AFF3: variants seen among roughly 807,000 people sequenced by gnomAD.
AFF3 encodes AF4/FMR2 family member 3.
A neutral mutation model predicts 129.7 loss-of-function variants in AFF3; 32 were observed. The observed-to-expected ratio is 0.25, with a 90% CI of 0.19 to 0.33. The LOEUF (loss-of-function observed/expected upper bound fraction) is 0.33, where lower values mean the gene tolerates loss of function less well. Among genes scored for constraint, AFF3 ranks in the 10% least tolerant of loss-of-function variants. The pLI is 1.00. For synonymous variants in AFF3, 644 were observed against 635.4 expected (o/e 1.01, Z -0.20); for missense variants, 1,373 against 1,592.0 (o/e 0.86, Z 2.34).
At chr2:99,589,306 G>A (rs1283457928) in intron 15 of AFF3, among the ~76,000 whole-genome samples, 1 of 152,022 alleles carries the variant, frequency 6.6e-6, no homozygotes, top group Non-Finnish European at 1.5e-5. Context: ...GGAATAGCAG[G>A]TAGGGAAGAA....
chr2:99,719,010 C>T (rs943438896), intron 11 of AFF3, among the ~76,000 whole-genome samples: 1 of 148,612 alleles, frequency 6.7e-6, no homozygotes, highest in Non-Finnish European at 1.5e-5. Flanking sequence ...CTTGGCCTCC[C>T]AAAGTGCTGG....
intron 22 of AFF3, among the ~76,000 whole-genome samples, chr2:99,556,451 C>T (rs1018452429): frequency 3.3e-5 from 5 of 151,934 alleles, no homozygotes; most frequent in African/African-American, 1.2e-4. Context: ...CAAAAAAAAA[C>T]AACAAAAAAA....
chr2:99,571,392 C>T (rs868632542), intron 18 of AFF3, among the ~76,000 whole-genome samples: 1 of 152,024 alleles, frequency 6.6e-6, no homozygotes. Context: ...TCTTAGTTTC[C>T]ACCAGCCTTC....
intron 13 of AFF3, among the ~76,000 whole-genome samples, chr2:99,646,489 G>T (rs1001556568): frequency 1.3e-5 from 2 of 151,918 alleles, no homozygotes; most frequent in Non-Finnish European, 2.9e-5. Context: ...ATATAAAGAG[G>T]TGATAACAGG....
rs949531215 is a variant in AFF3 at position 99,860,476 on chromosome 2, C to T, written c.874-22952G>A. The stretch of plus-strand genomic sequence containing the variant: ...GGCTGAGGCAGGAGAATAGGGTGAA[C>T]CTGGGAGGCAGAGCTTGCAGTGAGC... On this transcript the variant is annotated intron_variant, in intron 7 of 24. Coordinates refer to ENST00000672756, the MANE Select transcript of AFF3 (RefSeq NM_001386135.1). Among the ~76,000 whole-genome samples the T allele has an allele frequency of 3.3e-5, 5 of 152,172 alleles. No individual in the cohort carries two copies. In the South Asian group the frequency reaches 1.0e-3, roughly 32 times the overall value.
At chr2:99,709,929 C>T (rs1313393717) in intron 11 of AFF3, among the ~76,000 whole-genome samples, 4 of 152,224 alleles carry the variant, frequency 2.6e-5, no homozygotes, top group East Asian at 3.9e-4. Context: ...ATTTGTTTAT[C>T]CATGTTTTTA....
chr2:99,674,858 TCAC>T (rs1369609736), intron 11 of AFF3, among the ~76,000 whole-genome samples: 1 of 152,160 alleles, frequency 6.6e-6, no homozygotes, highest in East Asian at 1.9e-4. Flanking sequence ...TGGCTGAAAG[TCAC>T]CACAACGGTC....
intron 7 of AFF3, among the ~76,000 whole-genome samples, chr2:99,940,956 AC>A (rs1674982214): frequency 6.6e-6 from 1 of 151,522 alleles, no homozygotes. Context: ...TTTCGTGGCC[AC>A]CCGCTCCCGG....
intron 4 of AFF3, among the ~76,000 whole-genome samples, chr2:100,020,880 G>C (rs547557854): frequency 6.6e-6 from 1 of 152,084 alleles, no homozygotes; most frequent in Non-Finnish European, 1.5e-5. Context: ...TTCCTCCCCC[G>C]TCAAGCCAGG....
chr2:99,933,336 T>TA (rs1299492671), intron 7 of AFF3, among the ~76,000 whole-genome samples: 1 of 151,696 alleles, frequency 6.6e-6, no homozygotes, highest in African/African-American at 2.4e-5. Flanking sequence ...GAAAGACTCT[T>TA]TTTTTTTAAG....
chr2:100,118,380 A>C (rs1402059039), intron 2 of AFF3, among the ~76,000 whole-genome samples: 1 of 152,238 alleles, frequency 6.6e-6, no homozygotes, highest in Non-Finnish European at 1.5e-5. Context: ...TCCTAGAAGC[A>C]GTGCAATTTT....
chr2:100,126,289 T>C (rs1692187636), intron 2 of AFF3, among the ~76,000 whole-genome samples: 1 of 152,208 alleles, frequency 6.6e-6, no homozygotes, highest in South Asian at 2.1e-4. Flanking sequence ...GCAAAGCATG[T>C]TCTGTTCGAG....
chr2:99,623,272 A>C (rs1307597603), intron 13 of AFF3, among the ~76,000 whole-genome samples: 1 of 152,046 alleles, frequency 6.6e-6, no homozygotes, highest in East Asian at 1.9e-4. Context: ...GCAAAATGCA[A>C]ATGAGAGCCC....
intron 12 of AFF3, among the ~76,000 whole-genome samples, chr2:99,650,135 C>T (rs1044750585): frequency 1.3e-5 from 2 of 152,190 alleles, no homozygotes; most frequent in Non-Finnish European, 2.9e-5. Context: ...ATATGGAATG[C>T]CACTAGAAAT....
chr2:99,778,913 T>C (rs1162173252), intron 8 of AFF3, among the ~76,000 whole-genome samples: 8 of 151,380 alleles, frequency 5.3e-5, no homozygotes, highest in African/African-American at 1.9e-4. Context: ...TGTGTGTGTG[T>C]GTGTGTGTGT....
At chr2:99,960,298 AAAT>A (rs1234004980) in intron 7 of AFF3, among the ~76,000 whole-genome samples, 1 of 152,136 alleles carries the variant, frequency 6.6e-6, no homozygotes, top group Non-Finnish European at 1.5e-5. Context: ...AATTGTGTTT[AAAT>A]AATAATAATA....
In AFF3 at chr2:100,007,244, AAGTTGT is replaced by A. The variant is rs777264607; in HGVS notation, c.385_390del (p.Thr129_Thr130del). The A allele has an allele frequency of 6.2e-7, 1 of 1,613,988 alleles. No individual in the cohort carries two copies. The highest frequency in any genetic ancestry group is 1.1e-5 in the South Asian group (1 of 91,054). The stretch of plus-strand genomic sequence containing the variant: ...TGCACGGGGACAGCTGCTGGTGTGG[AAGTTGT>A]AGTGCTACAGATAGACGAGGGCTGG... On this transcript the variant is annotated inframe_deletion, in exon 6 of 25. Transcript: ENST00000672756.
At chr2:100,003,900 T>C (rs184091445) in intron 7 of AFF3, among the ~76,000 whole-genome samples, 1 of 152,178 alleles carries the variant, frequency 6.6e-6, no homozygotes, top group Admixed American at 6.5e-5. Flanking sequence ...TGAGAGAAAC[T>C]GCAAATTAAA....
chr2:99,689,344 T>G (rs562039643), intron 11 of AFF3, among the ~76,000 whole-genome samples: 1 of 152,226 alleles, frequency 6.6e-6, no homozygotes, highest in Non-Finnish European at 1.5e-5. Flanking sequence ...TGCAAAGTCT[T>G]TATAGTTCCA....
Sources: gnomAD v4.1 joint callset for allele counts (sites outside exome capture counted in the v4.1 genomes callset) on GRCh38, gnomAD v4.1.1 for gene constraint, MANE v1.5 for transcripts, NCBI Gene and HGNC (gene_info 2026-07-23, HGNC 2026-07-21) for gene names.